Variants in CFAP95 observed in about 807,000 individuals in gnomAD.
CFAP95 encodes the protein cilia and flagella associated protein 95.
the CFAP95 span, chr9:69,857,832 A>G: frequency 6.5e-6 from 8 of 1,239,760 alleles, no homozygotes; most frequent in African/African-American, 1.8e-4. Flanking sequence ...CCAGCCCCTA[A>G]ATTAGTTTTA....
At chr9:69,826,498 GA>G in the CFAP95 span, among the ~76,000 whole-genome samples, 2 of 151,764 alleles carry the variant, frequency 1.3e-5, no homozygotes, top group East Asian at 1.9e-4. Flanking sequence ...AAAAAGCAAA[GA>G]AAAAAAAGTA....
At chr9:69,832,978 C>A in the CFAP95 span, among the ~76,000 whole-genome samples, 1 of 152,026 alleles carries the variant, frequency 6.6e-6, no homozygotes, top group East Asian at 1.9e-4. Context: ...TGTTTTTCTT[C>A]TATTTTGATG....
chr9:69,856,987 T>C, the CFAP95 span, among the ~76,000 whole-genome samples: 1 of 151,558 alleles, frequency 6.6e-6, no homozygotes, highest in East Asian at 2.0e-4. Flanking sequence ...CTCTACAATT[T>C]ACTGTAAAAG....
chr9:69,895,932 A>G, the CFAP95 span, among the ~76,000 whole-genome samples: 1 of 152,284 alleles, frequency 6.6e-6, no homozygotes, highest in Admixed American at 6.5e-5. Context: ...AAGTGCTGGG[A>G]TTACAGGCGT....
the CFAP95 span, among the ~76,000 whole-genome samples, chr9:69,872,133 G>A: frequency 5.3e-5 from 8 of 152,222 alleles, no homozygotes; most frequent in Admixed American, 1.3e-4. Flanking sequence ...TATCTGGTCT[G>A]TCTGACTGCA....
chr9:69,823,040 A>G, the CFAP95 span, among the ~76,000 whole-genome samples: 12 of 152,322 alleles, frequency 7.9e-5, no homozygotes, highest in Admixed American at 3.9e-4. Flanking sequence ...ACAGCTATAA[A>G]TAAATACTGG....
the CFAP95 span, among the ~76,000 whole-genome samples, chr9:69,838,193 T>G: frequency 6.6e-6 from 1 of 152,356 alleles, no homozygotes; most frequent in East Asian, 1.9e-4. Flanking sequence ...TCTTTTGGCT[T>G]AGGATTGACT....
the CFAP95 span, among the ~76,000 whole-genome samples, chr9:69,836,202 C>T: frequency 1.3e-5 from 2 of 152,106 alleles, no homozygotes; most frequent in Middle Eastern, 3.2e-3. Flanking sequence ...ATGTTGGCCC[C>T]ATCCTTTTTG....
the CFAP95 span, among the ~76,000 whole-genome samples, chr9:69,858,708 C>T: frequency 1.3e-5 from 2 of 152,296 alleles, no homozygotes; most frequent in East Asian, 3.9e-4. Context: ...GAACCTAACC[C>T]TATATTTCCA....
the CFAP95 span, among the ~76,000 whole-genome samples, chr9:69,825,946 A>G: frequency 6.6e-6 from 1 of 152,128 alleles, no homozygotes; most frequent in Non-Finnish European, 1.5e-5. Context: ...TTGTGATTTT[A>G]ATTACTTTTC....
At chr9:69,843,611 T>C in the CFAP95 span, among the ~76,000 whole-genome samples, 1 of 80,926 alleles carries the variant, frequency 1.2e-5, no homozygotes, top group African/African-American at 7.5e-5. Flanking sequence ...TTCTTCTTCT[T>C]CTTCTTCTTC....
the CFAP95 span, among the ~76,000 whole-genome samples, chr9:69,849,114 C>T: frequency 6.6e-6 from 1 of 152,194 alleles, no homozygotes; most frequent in Non-Finnish European, 1.5e-5. Context: ...TTCTTCATGA[C>T]ACTTACATTG....
At chr9:69,849,308 A>G in the CFAP95 span, among the ~76,000 whole-genome samples, 2 of 152,036 alleles carry the variant, frequency 1.3e-5, no homozygotes, top group East Asian at 3.9e-4. Flanking sequence ...GAAGGAAGAA[A>G]TGAAGTAAGG....
the CFAP95 span, among the ~76,000 whole-genome samples, chr9:69,874,039 G>A: frequency 3.3e-5 from 5 of 152,146 alleles, no homozygotes; most frequent in African/African-American, 7.2e-5. Flanking sequence ...AAGAGGGCAC[G>A]TGTAGCAAAT....
the CFAP95 span, among the ~76,000 whole-genome samples, chr9:69,875,591 C>T: frequency 6.6e-6 from 1 of 152,138 alleles, no homozygotes; most frequent in African/African-American, 2.4e-5. Context: ...CAGGACAGTT[C>T]TACCCAAAGC....
chr9:69,848,832 T>C, the CFAP95 span, among the ~76,000 whole-genome samples: 1 of 152,064 alleles, frequency 6.6e-6, no homozygotes, highest in African/African-American at 2.4e-5. Flanking sequence ...TCAGTGAAAA[T>C]CCTCTTGGGA....
At chr9:69,903,593 G>T in the CFAP95 span, among the ~76,000 whole-genome samples, 1 of 152,296 alleles carries the variant, frequency 6.6e-6, no homozygotes, top group South Asian at 2.1e-4. Context: ...ACAGAAATTG[G>T]CAAATATTAC....
At chr9:69,895,401 T>C in the CFAP95 span, among the ~76,000 whole-genome samples, 3 of 69,758 alleles carry the variant, frequency 4.3e-5, no homozygotes, top group Non-Finnish European at 9.6e-5. Context: ...GTGTGTATTC[T>C]ATTGGTTCTG....
the CFAP95 span, among the ~76,000 whole-genome samples, chr9:69,859,951 AAAT>A: frequency 2.6e-5 from 4 of 152,204 alleles, no homozygotes; most frequent in Non-Finnish European, 2.9e-5. Context: ...GAAAGATAAA[AAAT>A]GGTACACCTG....
Sources: allele counts gnomAD v4.1 joint callset (sites outside exome capture counted in the v4.1 genomes callset), GRCh38; gene constraint gnomAD v4.1.1; transcripts MANE v1.5; gene names NCBI Gene and HGNC (gene_info 2026-07-23, HGNC 2026-07-21).